Variants in PCDHA1 observed in about 807,000 individuals in gnomAD.
The protein encoded by PCDHA1 is protocadherin alpha-1.
Under a neutral mutation model 61.3 loss-of-function variants are expected in PCDHA1, and 42 were observed. The observed-to-expected ratio is 0.69, with a 90% CI of 0.54 to 0.89. The LOEUF is 0.89. Ranked by LOEUF, PCDHA1 falls within the 40% of genes least tolerant of loss-of-function variation. The pLI is 0.00. For synonymous variants in PCDHA1, 610 were observed against 553.8 expected (o/e 1.10, Z -1.43); for missense variants, 1,256 against 1,235.3 (o/e 1.02, Z -0.25).
intron 1 of PCDHA1, among the ~76,000 whole-genome samples, chr5:140,912,746 A>G (rs1322674627): frequency 6.6e-6 from 1 of 152,200 alleles, no homozygotes; most frequent in Admixed American, 6.5e-5. Flanking sequence ...TGGGTCTGTC[A>G]TAGATGGCTT....
chr5:140,839,718 T>C (rs182752192), intron 1 of PCDHA1, among the ~76,000 whole-genome samples: 1 of 152,078 alleles, frequency 6.6e-6, no homozygotes, highest in African/African-American at 2.4e-5. Flanking sequence ...CAAATTTAAA[T>C]CATTTCACAG....
chr5:140,840,163 A>T (rs2150304163), intron 1 of PCDHA1, among the ~76,000 whole-genome samples: 1 of 152,162 alleles, frequency 6.6e-6, no homozygotes, highest in African/African-American at 2.4e-5. Context: ...GAGAGATGGG[A>T]TGTATACAAA....
chr5:140,995,956 G>A (rs1480673532), intron 3 of PCDHA1, among the ~76,000 whole-genome samples: 1 of 152,214 alleles, frequency 6.6e-6, no homozygotes, highest in African/African-American at 2.4e-5. Flanking sequence ...CACGCAAAAT[G>A]CTTAGAACCA....
chr5:140,789,129 C>A (rs1239386436), intron 1 of PCDHA1, among the ~76,000 whole-genome samples: 2 of 152,198 alleles, frequency 1.3e-5, no homozygotes, highest in African/African-American at 4.8e-5. Flanking sequence ...GAACAATAAA[C>A]TGAAGTTTTA....
At position 140,843,005 on chromosome 5, in the gene PCDHA1, G is replaced by C; in HGVS notation, c.2394+54321G>C. On this transcript the variant is annotated intron_variant, in intron 1 of 3. Transcript: ENST00000504120. ...GTTCGTGCTGGACGAGAATGACAAC[G>C]CGCCGGCACTGCTGGAGCCTCGGGT... The C allele has an allele frequency of 5.0e-6, 8 of 1,595,030 alleles. 1 individual carries two copies. The highest frequency in any genetic ancestry group is 1.1e-5 in the South Asian group (1 of 90,516).
At chr5:140,931,982 T>G (rs1486789443) in intron 1 of PCDHA1, among the ~76,000 whole-genome samples, 1 of 151,968 alleles carries the variant, frequency 6.6e-6, no homozygotes, top group Non-Finnish European at 1.5e-5. Context: ...GTTTATATTT[T>G]GCTCAAATTC....
At chr5:140,936,662 CT>C (rs1337986057) in intron 1 of PCDHA1, among the ~76,000 whole-genome samples, 1 of 152,178 alleles carries the variant, frequency 6.6e-6, no homozygotes, top group Non-Finnish European at 1.5e-5. Context: ...TATTCTGTTT[CT>C]GGACTGTCTA....
intron 1 of PCDHA1, among the ~76,000 whole-genome samples, chr5:140,837,367 G>T (rs1006213707): frequency 1.1e-4 from 16 of 151,860 alleles, no homozygotes; most frequent in Non-Finnish European, 4.4e-5. Context: ...CAGTTTAATA[G>T]TATTTTTTAT....
At chr5:140,912,865 A>G (rs1554195582) in intron 1 of PCDHA1, among the ~76,000 whole-genome samples, 1 of 152,138 alleles carries the variant, frequency 6.6e-6, no homozygotes, top group East Asian at 1.9e-4. Flanking sequence ...GAAATGATAT[A>G]TGGTTTTTGG....
intron 1 of PCDHA1, among the ~76,000 whole-genome samples, chr5:140,946,591 A>C (rs972556402): frequency 5.0e-5 from 6 of 119,488 alleles, no homozygotes; most frequent in African/African-American, 2.1e-4. Context: ...ATAGTGGATG[A>C]ATAGATAAAG....
chr5:140,786,810 C>T lies in PCDHA1; in HGVS notation c.520C>T (p.Pro174Ser). The part of the protein sequence containing the change: ...ANALLTYTLS[P>S]SDYFSLDVEA... ...CGCTCTTCTAACGTACACGCTCAGCCCGAGTGATTATTTCTCTTTGGATGT... is the reference window on the plus strand; with the variant it reads ...CGCTCTTCTAACGTACACGCTCAGCTCGAGTGATTATTTCTCTTTGGATGT... The change falls in exon 1 of 4, where the codon CCG (proline) becomes TCG (serine). Residue 174 changes from proline (P) to serine (S), a missense_variant. Pro to Ser is a moderately conservative substitution (Grantham distance 74). Transcript: ENST00000504120. The T allele has an allele frequency of 1.2e-6, 2 of 1,614,184 alleles. No homozygotes were observed. Among genetic ancestry groups the T allele is most frequent in the South Asian group, 1.1e-5 (1 of 91,086 alleles).
At chr5:140,803,738 C>T in intron 1 of PCDHA1, 13 of 1,402,756 alleles carry the variant, frequency 9.3e-6, no homozygotes, top group East Asian at 2.3e-5. Context: ...GTGGTTAAAA[C>T]GGTAAGATTT....
At chr5:140,857,890 G>A in intron 1 of PCDHA1, 3 of 1,597,852 alleles carry the variant, frequency 1.9e-6, no homozygotes, top group Non-Finnish European at 2.6e-6. Context: ...AGTCGGCGGC[G>A]GTTGGTGCAC....
intron 1 of PCDHA1, among the ~76,000 whole-genome samples, chr5:140,953,480 T>C (rs782804804): frequency 2.6e-5 from 4 of 152,194 alleles, no homozygotes; most frequent in Non-Finnish European, 5.9e-5. Flanking sequence ...CCTCATGCTG[T>C]GTCACAACCT....
rs2150364854 is a variant in PCDHA1, at chr5:140,843,675, T to C, written c.2394+54991T>C. ...CCTCCTGATCTGGGATCAGTTGATGTAGGCGAAGAGCAAGATTTAAATGTT... is the reference window on the plus strand; with the variant it reads ...CCTCCTGATCTGGGATCAGTTGATGCAGGCGAAGAGCAAGATTTAAATGTT... On this transcript the variant is annotated intron_variant, in intron 1 of 3. Transcript: ENST00000504120. 4.1e-5 allele frequency: 65 copies of C among 1,591,382 alleles called. 8 individuals are homozygous for C. The highest frequency in any genetic ancestry group is 5.5e-5 in the Non-Finnish European group (64 of 1,161,214).
chr5:140,788,673 C>A lies in PCDHA1; in HGVS notation c.2383C>A (p.Leu795Ile). 3.2e-6 allele frequency: 5 copies of A among 1,564,312 alleles called. No homozygotes were observed. The highest frequency in any genetic ancestry group is 4.3e-6 in the Non-Finnish European group (5 of 1,153,770). The change falls in exon 1 of 4, where the codon CTT becomes ATT. Residue 795 changes from leucine to isoleucine, a missense_variant. Transcript: ENST00000504120. Reference protein sequence around the residue: ...RNEQPEANLDLSGNPRQPNPD... With the variant: ...RNEQPEANLDISGNPRQPNPD... Reference sequence around the variant, plus strand: ...TGAACAACCAGAAGCAAATTTGGATCTTTCTGGTAATGTAAGTCCAACTTT... The same window carrying A: ...TGAACAACCAGAAGCAAATTTGGATATTTCTGGTAATGTAAGTCCAACTTT...
chr5:140,808,288 A>C (rs558368173), intron 1 of PCDHA1: 1 of 1,614,276 alleles, frequency 6.2e-7, no homozygotes, highest in Non-Finnish European at 8.5e-7. Context: ...CACTGGGTAC[A>C]GTCATCGCCC....
Position 140,965,675 on chromosome 5 carries a change from A to C in PCDHA1, c.2395-13274A>C, listed in dbSNP as rs1049081993. 1.3e-4 allele frequency among the ~76,000 whole-genome samples: 20 copies of C among 152,350 alleles called. No homozygotes were observed. The Middle Eastern group carries it at 0.01, about 78-fold the overall frequency. ...AAATGTCTTGGGTGATAAATGTAAA[A>C]GATTTGAAGCAAGATTAGAAAAAGC... On this transcript the variant is annotated intron_variant, in intron 1 of 3. Transcript: ENST00000504120.
At chr5:140,809,730 G>C in intron 1 of PCDHA1, 1 of 776,104 alleles carries the variant, frequency 1.3e-6, no homozygotes, top group Non-Finnish European at 2.0e-6. Context: ...TAGGACATCA[G>C]AGCAATATAT....
Sources: allele counts gnomAD v4.1 joint callset (sites outside exome capture counted in the v4.1 genomes callset), GRCh38; gene constraint gnomAD v4.1.1; transcripts MANE v1.5; gene names NCBI Gene and HGNC (gene_info 2026-07-23, HGNC 2026-07-21).